TAF4B: variants seen among roughly 807,000 people sequenced by gnomAD.
TAF4B encodes transcription initiation factor TFIID subunit 4B.
Under a neutral mutation model 86.4 loss-of-function variants are expected in TAF4B, and 38 were observed. The ratio of observed to expected loss-of-function variants is 0.44; its 90% CI spans 0.34 to 0.58. The LOEUF is 0.58. Among genes scored for constraint, TAF4B ranks in the 20% least tolerant of loss-of-function variants. The pLI is 0.02. For synonymous variants in TAF4B, 388 were observed against 391.2 expected, an observed-to-expected ratio of 0.99 and a Z score of 0.10; for missense variants, 988 against 1,027.6, an observed-to-expected ratio of 0.96 and a Z score of 0.53.
chr18:26,313,356 C>A (rs2056870838), intron 9 of TAF4B, among the ~76,000 whole-genome samples: 1 of 152,080 alleles, frequency 6.6e-6, no homozygotes, highest in Non-Finnish European at 1.5e-5. Flanking sequence ...GCTTATGATT[C>A]CTTACATTCT....
intron 12 of TAF4B, among the ~76,000 whole-genome samples, chr18:26,330,323 C>T (rs564241629): frequency 1.4e-4 from 21 of 152,230 alleles, no homozygotes; most frequent in African/African-American, 4.8e-4. Flanking sequence ...TCAAATTGCC[C>T]CTGAGTGGAA....
intron 9 of TAF4B, among the ~76,000 whole-genome samples, chr18:26,295,801 C>G (rs1041667322): frequency 1.3e-5 from 2 of 151,830 alleles, no homozygotes; most frequent in Non-Finnish European, 2.9e-5. Flanking sequence ...CTTATTTGAT[C>G]TTTTTGTCTG....
chr18:26,378,079 C>G (rs749060783), intron 14 of TAF4B, among the ~76,000 whole-genome samples: 3 of 152,044 alleles, frequency 2.0e-5, no homozygotes, highest in Non-Finnish European at 2.9e-5. Context: ...CAACTGTACT[C>G]CTATGGGGCG....
At chr18:26,248,941 A>G (rs957225691) in intron 1 of TAF4B, among the ~76,000 whole-genome samples, 7 of 151,756 alleles carry the variant, frequency 4.6e-5, no homozygotes, top group African/African-American at 1.7e-4. Context: ...TGGGAGGCTG[A>G]GGTGGGTGGA....
At chr18:26,293,344 A>T in intron 8 of TAF4B, 82 bp from the exon 9 acceptor site, 1 of 909,750 alleles carries the variant, frequency 1.1e-6, no homozygotes, top group Non-Finnish European at 1.7e-6. Flanking sequence ...CTATATATAT[A>T]AAAAACGGTT....
intron 2 of TAF4B, among the ~76,000 whole-genome samples, chr18:26,266,484 C>T (rs1182315879): frequency 1.3e-5 from 2 of 152,134 alleles, no homozygotes; most frequent in Admixed American, 6.5e-5. Flanking sequence ...ATTTCATTAA[C>T]TTGGCATTGT....
chr18:26,278,365 C>CAT (rs916798599), intron 5 of TAF4B, among the ~76,000 whole-genome samples: 1 of 152,064 alleles, frequency 6.6e-6, no homozygotes, highest in African/African-American at 2.4e-5. Flanking sequence ...AGTGCAGTGA[C>CAT]ATGATACTAG....
rs763137160 is a variant in TAF4B, at chr18:26,315,273, A to G, written c.1877A>G (p.Asn626Ser). The change falls in exon 10 of 15, where the codon AAC (asparagine) becomes AGC (serine). Residue 626 changes from asparagine to serine, a missense_variant. By Grantham distance (46) the Asn-to-Ser change is conservative. This residue lies in a region of TAF4B where 25 missense variants were observed against 51.3 expected (regional missense o/e 0.49). Transcript: ENST00000269142. Reference protein sequence around the residue: ...INDVTSMAGVNLNEENACILA... With the variant: ...INDVTSMAGVSLNEENACILA... ...GATGTGACTTCTATGGCAGGGGTCAACCTTAATGAAGAAAATGCCTGCATC... is the reference window on the plus strand; with the variant it reads ...GATGTGACTTCTATGGCAGGGGTCAGCCTTAATGAAGAAAATGCCTGCATC... 8.1e-6 allele frequency: 13 copies of G among 1,612,888 alleles called. No individual in the cohort carries two copies. Among genetic ancestry groups the G allele is most frequent in the South Asian group, 2.2e-5 (2 of 90,988 alleles).
chr18:26,230,656 C>T (rs1598700280), intron 1 of TAF4B, among the ~76,000 whole-genome samples: 1 of 152,144 alleles, frequency 6.6e-6, no homozygotes, highest in African/African-American at 2.4e-5. Flanking sequence ...TCTCCTGTTA[C>T]GTGTTTCCAT....
chr18:26,280,065 G>A (rs1179460728), intron 5 of TAF4B, among the ~76,000 whole-genome samples: 2 of 151,678 alleles, frequency 1.3e-5, no homozygotes, highest in Non-Finnish European at 1.5e-5. Context: ...AAAGTAGTGG[G>A]GAAAGGACTG....
chr18:26,240,979 G>C (rs531581732), intron 1 of TAF4B, among the ~76,000 whole-genome samples: 1 of 152,126 alleles, frequency 6.6e-6, no homozygotes, highest in African/African-American at 2.4e-5. Flanking sequence ...TGCTGGATTC[G>C]GTTTGCCAGT....
intron 10 of TAF4B, among the ~76,000 whole-genome samples, chr18:26,319,738 C>A (rs2056945759): frequency 6.6e-6 from 1 of 152,028 alleles, no homozygotes; most frequent in Non-Finnish European, 1.5e-5. Context: ...TACAGGCATG[C>A]ACCACCACGA....
At position 26,383,430 on chromosome 18, in the gene TAF4B, G is replaced by T. The variant is rs564748280; in HGVS notation, c.2422-6415G>T. Among the ~76,000 whole-genome samples, 5 of 152,260 alleles carry T rather than the reference G, an allele frequency of 3.3e-5. No homozygotes were observed. The East Asian group carries it at 9.6e-4, about 29-fold the overall frequency. ...GCAGATGGACTATAGAGAAAGATTTGAGGATGACATCCAATTTTCTGGCTT... is the reference window on the plus strand; with the variant it reads ...GCAGATGGACTATAGAGAAAGATTTTAGGATGACATCCAATTTTCTGGCTT... On this transcript the variant is annotated intron_variant, in intron 14 of 14. Coordinates refer to ENST00000269142, the MANE Select transcript of TAF4B (RefSeq NM_005640.3).
chr18:26,347,173 G>C (rs202208065), intron 13 of TAF4B, among the ~76,000 whole-genome samples: 73 of 151,648 alleles, frequency 4.8e-4, no homozygotes, highest in East Asian at 3.4e-3. Flanking sequence ...GTCCGCCTCG[G>C]CCTCCCAAAG....
chr18:26,331,823 C>G (rs944260094), intron 12 of TAF4B, among the ~76,000 whole-genome samples: 6 of 152,206 alleles, frequency 3.9e-5, no homozygotes, highest in African/African-American at 1.4e-4. Context: ...GTCCATTCCT[C>G]TATTTCTCCT....
Position 26,372,497 on chromosome 18 carries a change from C to T in TAF4B, c.2421+14703C>T, listed in dbSNP as rs140029404. On this transcript the variant is annotated intron_variant, in intron 14 of 14. Coordinates refer to ENST00000269142, the MANE Select transcript of TAF4B (RefSeq NM_005640.3). ...CTGTATACCTATTAGTAAAGACCAT[C>T]AGAATCAGTTTACTTTTGACTGGCA... Among the ~76,000 whole-genome samples, 231 of 152,290 alleles carry T rather than the reference C, an allele frequency of 1.5e-3. 1 individual carries two copies. The highest frequency in any genetic ancestry group is 5.4e-3 in the African/African-American group (226 of 41,554).
rs774788481 is a variant in TAF4B, at chr18:26,293,422, A to G, written c.1727-4A>G. ...TTCTATTTTTTCTTGTTTTGTTTTTATAGCTTCCATTCTAAAGCAAATTAC... is the reference window on the plus strand; with the variant it reads ...TTCTATTTTTTCTTGTTTTGTTTTTGTAGCTTCCATTCTAAAGCAAATTAC... On this transcript the variant is annotated splice_polypyrimidine_tract_variant and splice_region_variant and intron_variant, in intron 8 of 14. Coordinates refer to ENST00000269142, the MANE Select transcript of TAF4B (RefSeq NM_005640.3). 6.3e-7 allele frequency: 1 copy of G among 1,583,242 alleles called. No individual in the cohort carries two copies. Among genetic ancestry groups the G allele is most frequent in the East Asian group, 2.3e-5 (1 of 44,112 alleles).
chr18:26,341,781 G>T (rs1386427406), intron 13 of TAF4B, among the ~76,000 whole-genome samples: 2 of 152,116 alleles, frequency 1.3e-5, no homozygotes, highest in African/African-American at 4.8e-5. Context: ...AAAAGATCTT[G>T]TATTTCGGTT....
chr18:26,318,778 G>A (rs1231972843), intron 10 of TAF4B, among the ~76,000 whole-genome samples: 1 of 152,160 alleles, frequency 6.6e-6, no homozygotes, highest in Admixed American at 6.5e-5. Flanking sequence ...ACAACATTTG[G>A]TTGTTCCCTA....
Sources: allele counts gnomAD v4.1 joint callset (sites outside exome capture counted in the v4.1 genomes callset), GRCh38; gene constraint gnomAD v4.1.1; regional missense constraint gnomAD v4.1.1; transcripts MANE v1.5; gene names NCBI Gene and HGNC (gene_info 2026-07-23, HGNC 2026-07-21).